SLC14A2: variants seen among roughly 807,000 people sequenced by gnomAD.
SLC14A2 encodes urea transporter 2.
Under a neutral mutation model 104.6 loss-of-function variants are expected in SLC14A2, and 91 were observed. The ratio of observed to expected loss-of-function variants is 0.87; its 90% CI spans 0.73 to 1.04. The LOEUF (loss-of-function observed/expected upper bound fraction) is 1.04. SLC14A2 is among the 50% of genes least tolerant of loss of function. SLC14A2 has a pLI of 0.00. For missense variants in SLC14A2, 1,189 were observed against 1,156.0 expected (o/e 1.03, Z -0.41); for synonymous variants, 476 against 466.4 (o/e 1.02, Z -0.27).
Position 45,641,197 on chromosome 18 carries a change from C to A in SLC14A2, c.992-12C>A. The A allele has an allele frequency of 6.2e-7, 1 of 1,613,524 alleles. No homozygotes were observed. The highest frequency in any genetic ancestry group is 8.5e-7 in the Non-Finnish European group (1 of 1,179,592). ...CCAGAATCAGACAGAAATACCACAC[C>A]TTGTCCCATAGCCCTGTCAGTGGCC... On this transcript the variant is annotated splice_polypyrimidine_tract_variant and intron_variant, in intron 7 of 19. Transcript: ENST00000255226.
chr18:45,402,543 G>A (rs1292067468), intron 1 of SLC14A2, among the ~76,000 whole-genome samples: 2 of 152,188 alleles, frequency 1.3e-5, no homozygotes, highest in African/African-American at 4.8e-5. Flanking sequence ...CCATTTGTGT[G>A]TTTATCTGGC....
At chr18:45,367,636 G>A (rs928983450) in intron 1 of SLC14A2, among the ~76,000 whole-genome samples, 2 of 152,148 alleles carry the variant, frequency 1.3e-5, no homozygotes, top group South Asian at 2.1e-4. Context: ...AGCCAGTTGT[G>A]AACATCATTC....
chr18:45,613,443 G>T (rs1164284468), upstream of SLC14A2, among the ~76,000 whole-genome samples: 1 of 152,192 alleles, frequency 6.6e-6, no homozygotes, highest in Admixed American at 6.5e-5. Flanking sequence ...AACAGGCAGA[G>T]GTTGGAACAG....
intron 1 of SLC14A2, among the ~76,000 whole-genome samples, chr18:45,362,441 T>G (rs1414964970): frequency 6.6e-6 from 1 of 151,950 alleles, no homozygotes; most frequent in South Asian, 2.1e-4. Flanking sequence ...TTCCTAGGAG[T>G]GAATAACTCA....
intron 18 of SLC14A2, 57 bp downstream of exon 18, chr18:45,673,874 TG>T: frequency 6.6e-7 from 1 of 1,520,878 alleles, no homozygotes; most frequent in Non-Finnish European, 9.0e-7. Flanking sequence ...TACATAAAAC[TG>T]TTTTTTTATG....
At chr18:45,646,740 C>T (rs757198131) in intron 10 of SLC14A2, 1 of 152,096 alleles carries the variant, frequency 6.6e-6, no homozygotes, top group Non-Finnish European at 1.5e-5. Context: ...TCCCACCTTC[C>T]CCAGGGCTTC....
the SLC14A2 span, among the ~76,000 whole-genome samples, chr18:45,196,438 C>A: frequency 6.6e-6 from 1 of 152,242 alleles, no homozygotes; most frequent in Non-Finnish European, 1.5e-5. Flanking sequence ...TTTCCCTCTG[C>A]GAAGCTGTGA....
intron 1 of SLC14A2, among the ~76,000 whole-genome samples, chr18:45,225,795 G>A (rs983738661): frequency 6.6e-6 from 1 of 152,084 alleles, no homozygotes; most frequent in South Asian, 2.1e-4. Context: ...CTGTTTGTCT[G>A]TTATTGGTGT....
At chr18:45,348,393 G>C (rs544628985) in intron 1 of SLC14A2, among the ~76,000 whole-genome samples, 5 of 152,174 alleles carry the variant, frequency 3.3e-5, no homozygotes, top group Non-Finnish European at 7.4e-5. Flanking sequence ...AAATACTCCA[G>C]TGGCCTCCTC....
intron 2 of SLC14A2, among the ~76,000 whole-genome samples, chr18:45,540,513 C>G (rs1401739740): frequency 6.6e-6 from 1 of 152,092 alleles, no homozygotes; most frequent in African/African-American, 2.4e-5. Context: ...GAGGCCAAGA[C>G]GGGCAGATTA....
chr18:45,492,804 T>C (rs1454769453), intron 2 of SLC14A2, among the ~76,000 whole-genome samples: 1 of 152,104 alleles, frequency 6.6e-6, no homozygotes, highest in African/African-American at 2.4e-5. Context: ...TTCCTGTCCA[T>C]GCAAAAAAGA....
upstream of SLC14A2, among the ~76,000 whole-genome samples, chr18:45,613,160 G>A (rs966367309): frequency 2.0e-5 from 3 of 152,078 alleles, no homozygotes; most frequent in African/African-American, 4.8e-5. Flanking sequence ...TCAGCCTCCC[G>A]AGTAGCTGGG....
intron 2 of SLC14A2, among the ~76,000 whole-genome samples, chr18:45,549,572 C>T (rs1226957591): frequency 6.6e-6 from 1 of 152,186 alleles, no homozygotes; most frequent in Admixed American, 6.5e-5. Context: ...CAGTGGAGTG[C>T]AGGTAATTTA....
intron 2 of SLC14A2, among the ~76,000 whole-genome samples, chr18:45,508,832 C>T (rs567752959): frequency 8.5e-4 from 130 of 152,282 alleles, no homozygotes; most frequent in Middle Eastern, 3.4e-3. Context: ...AATGCCTACT[C>T]CAGGGAATTA....
chr18:45,407,657 T>A (rs2086170076), intron 1 of SLC14A2, among the ~76,000 whole-genome samples: 1 of 152,176 alleles, frequency 6.6e-6, no homozygotes, highest in African/African-American at 2.4e-5. Flanking sequence ...GTGAGAGGCA[T>A]ATAACTCTAT....
upstream of SLC14A2, among the ~76,000 whole-genome samples, chr18:45,612,557 T>C (rs768387739): frequency 1.3e-5 from 2 of 152,240 alleles, no homozygotes; most frequent in African/African-American, 2.4e-5. Context: ...GCAACTTGCA[T>C]GCATTATTTC....
chr18:45,643,432 C>T (rs568857129), intron 9 of SLC14A2, among the ~76,000 whole-genome samples: 2 of 152,246 alleles, frequency 1.3e-5, no homozygotes, highest in African/African-American at 2.4e-5. Context: ...GAAAACACGA[C>T]GGACAGATGG....
At chr18:45,523,331 CTTTG>C (rs1292441242) in intron 2 of SLC14A2, among the ~76,000 whole-genome samples, 5 of 150,884 alleles carry the variant, frequency 3.3e-5, no homozygotes, top group African/African-American at 7.3e-5. Flanking sequence ...TTTTTTGTTT[CTTTG>C]TTTGTTTGTT....
intron 2 of SLC14A2, among the ~76,000 whole-genome samples, chr18:45,515,239 T>C (rs1200110178): frequency 1.3e-5 from 2 of 152,258 alleles, no homozygotes; most frequent in East Asian, 3.8e-4. Flanking sequence ...CTGGATATTA[T>C]GGTTTTAAAG....
Sources: allele counts gnomAD v4.1 joint callset (sites outside exome capture counted in the v4.1 genomes callset), GRCh38; gene constraint gnomAD v4.1.1; transcripts MANE v1.5; gene names NCBI Gene and HGNC (gene_info 2026-07-23, HGNC 2026-07-21).